The following SH3BGRL2 variants were observed in gnomAD, a reference collection of about 807,000 sequenced individuals.
SH3BGRL2 encodes the protein SH3 domain-binding glutamic acid-rich-like protein 2.
A neutral mutation model predicts 14.8 loss-of-function variants in SH3BGRL2; 21 were observed. The observed-to-expected ratio is 1.42, with a 90% CI of 1.01 to 2.05. The LOEUF (loss-of-function observed/expected upper bound fraction) is 2.05, where lower values mean the gene tolerates loss of function less well. Among genes scored for constraint, SH3BGRL2 ranks in the 30% most tolerant of loss-of-function variants. The probability of loss-of-function intolerance (pLI) is 0.00; values close to 1 mark genes in which losing one functional copy is unlikely to be tolerated. For synonymous variants in SH3BGRL2, 50 were observed against 47.8 expected, an observed-to-expected ratio of 1.05 and a Z score of -0.19; for missense variants, 147 against 130.8, an observed-to-expected ratio of 1.12 and a Z score of -0.61.
the SH3BGRL2 span, among the ~76,000 whole-genome samples, chr6:79,597,019 C>G: frequency 6.6e-6 from 1 of 152,108 alleles, no homozygotes; most frequent in Non-Finnish European, 1.5e-5. Context: ...CCAGTGAGGT[C>G]AGGAATTCGA....
chr6:79,606,232 T>C, the SH3BGRL2 span, among the ~76,000 whole-genome samples: 1 of 152,152 alleles, frequency 6.6e-6, no homozygotes, highest in African/African-American at 2.4e-5. Flanking sequence ...GCTTAGCCTC[T>C]GTGAATGCCT....
At chr6:79,672,917 C>G (rs2127733076) in intron 1 of SH3BGRL2, among the ~76,000 whole-genome samples, 1 of 152,278 alleles carries the variant, frequency 6.6e-6, no homozygotes, top group South Asian at 2.1e-4. Context: ...TGTTTACTCT[C>G]ACCTTAGAAG....
chr6:79,553,339 CA>C, the SH3BGRL2 span, among the ~76,000 whole-genome samples: 4 of 152,218 alleles, frequency 2.6e-5, no homozygotes, highest in East Asian at 1.9e-4. Context: ...TGAACTTCTT[CA>C]AAATCACAAA....
intron 1 of SH3BGRL2, among the ~76,000 whole-genome samples, chr6:79,670,954 T>C (rs757771133): frequency 7.9e-5 from 12 of 151,902 alleles, no homozygotes; most frequent in Non-Finnish European, 1.6e-4. Context: ...TCACATCTCA[T>C]TGGTCAGAAC....
the SH3BGRL2 span, among the ~76,000 whole-genome samples, chr6:79,603,259 G>A: frequency 6.6e-6 from 1 of 152,182 alleles, no homozygotes; most frequent in African/African-American, 2.4e-5. Context: ...ACCTCCAGGA[G>A]AAGCTTTCTA....
intron 1 of SH3BGRL2, among the ~76,000 whole-genome samples, chr6:79,655,525 A>G (rs952894923): frequency 5.3e-5 from 8 of 152,074 alleles, no homozygotes; most frequent in African/African-American, 1.9e-4. Flanking sequence ...TATCACCACA[A>G]TTTAAGAACA....
intron 1 of SH3BGRL2, among the ~76,000 whole-genome samples, chr6:79,647,885 G>A (rs937473177): frequency 1.3e-5 from 2 of 151,774 alleles, no homozygotes; most frequent in African/African-American, 2.4e-5. Flanking sequence ...GTATATCCAC[G>A]CTGCCCTTTG....
rs993054934 is a variant in SH3BGRL2, at chr6:79,670,610, T to C, written c.46-3004T>C. Among the ~76,000 whole-genome samples, 4 of 152,338 alleles carry C rather than the reference T, an allele frequency of 2.6e-5. No homozygotes were observed. In the East Asian group the frequency reaches 7.7e-4, roughly 29 times the overall value. ...AGTCATTTTAAATAGCAATTAAGAA[T>C]TGCATTTGGGTGCAAGCTGTAGAAA... is the stretch of plus-strand genomic sequence containing the variant. On this transcript the variant is annotated intron_variant, in intron 1 of 3. Coordinates refer to ENST00000369838, the MANE Select transcript of SH3BGRL2 (RefSeq NM_031469.4).
chr6:79,581,269 A>G, the SH3BGRL2 span, among the ~76,000 whole-genome samples: 2 of 151,882 alleles, frequency 1.3e-5, no homozygotes, highest in African/African-American at 4.8e-5. Flanking sequence ...AAAAGAAGGA[A>G]CCCTCCCTAA....
chr6:79,552,312 A>G, the SH3BGRL2 span, among the ~76,000 whole-genome samples: 23 of 152,180 alleles, frequency 1.5e-4, no homozygotes, highest in African/African-American at 5.5e-4. Context: ...TCTTTAGGTC[A>G]GTGCTTGTTT....
chr6:79,692,223 T>C (rs1254001145), intron 2 of SH3BGRL2, among the ~76,000 whole-genome samples: 4 of 152,200 alleles, frequency 2.6e-5, no homozygotes, highest in Admixed American at 2.6e-4. Flanking sequence ...TTCTTGTAAA[T>C]TTATTTGAGT....
the SH3BGRL2 span, among the ~76,000 whole-genome samples, chr6:79,598,801 G>C: frequency 6.7e-6 from 1 of 149,958 alleles, no homozygotes; most frequent in Non-Finnish European, 1.5e-5. Context: ...GCTCAACCTC[G>C]GCTGGGCGCG....
At chr6:79,659,037 A>G (rs1482013944) in intron 1 of SH3BGRL2, among the ~76,000 whole-genome samples, 1 of 152,138 alleles carries the variant, frequency 6.6e-6, no homozygotes, top group African/African-American at 2.4e-5. Context: ...TCTGGATATT[A>G]GCGCTTTGTC....
chr6:79,641,822 C>T (rs182929899), intron 1 of SH3BGRL2, among the ~76,000 whole-genome samples: 150 of 152,182 alleles, frequency 9.9e-4, no homozygotes, highest in Admixed American at 1.4e-3. Context: ...ATATACAGTA[C>T]ATACTACTTA....
chr6:79,553,883 G>A, the SH3BGRL2 span, among the ~76,000 whole-genome samples: 4 of 151,578 alleles, frequency 2.6e-5, no homozygotes. Flanking sequence ...CAGGAGAATC[G>A]CTTGAACCCG....
intron 2 of SH3BGRL2, among the ~76,000 whole-genome samples, chr6:79,690,699 C>A (rs1202276876): frequency 1.3e-5 from 2 of 152,168 alleles, no homozygotes; most frequent in South Asian, 2.1e-4. Context: ...ATACACCACT[C>A]AGTTTTCCAG....
intron 2 of SH3BGRL2, among the ~76,000 whole-genome samples, chr6:79,686,757 A>G (rs377131640): frequency 2.0e-5 from 3 of 152,096 alleles, no homozygotes; most frequent in Non-Finnish European, 2.9e-5. Flanking sequence ...TGTCTTTCTT[A>G]GGAGCCAGCT....
At chr6:79,591,947 G>C in the SH3BGRL2 span, among the ~76,000 whole-genome samples, 202 of 152,224 alleles carry the variant, frequency 1.3e-3, no homozygotes, top group Middle Eastern at 6.8e-3. Context: ...TTTAAGAAGA[G>C]AAACTCATGA....
chr6:79,683,972 C>T (rs1372469917), intron 2 of SH3BGRL2, among the ~76,000 whole-genome samples: 1 of 152,096 alleles, frequency 6.6e-6, no homozygotes, highest in Admixed American at 6.6e-5. Flanking sequence ...AGGGTATCTG[C>T]AGTAATAATG....
Sources: gnomAD v4.1 joint callset for allele counts (sites outside exome capture counted in the v4.1 genomes callset) on GRCh38, gnomAD v4.1.1 for gene constraint, MANE v1.5 for transcripts, NCBI Gene and HGNC (gene_info 2026-07-23, HGNC 2026-07-21) for gene names.